PADI1: variants seen among roughly 807,000 people sequenced by gnomAD.
PADI1 encodes peptidyl arginine deiminase 1, also known as protein-arginine deiminase type-1.
In PADI1, 65 loss-of-function variants were observed where a neutral mutation model predicts 74.8. The ratio of observed to expected loss-of-function variants is 0.87; its 90% confidence interval spans 0.71 to 1.07. The LOEUF (loss-of-function observed/expected upper bound fraction) is 1.07, where lower values mean the gene tolerates loss of function less well. PADI1 is among the 50% of genes least tolerant of loss of function. The pLI is 0.00. For synonymous variants in PADI1, 371 were observed against 336.2 expected (o/e 1.10, Z -1.13); for missense variants, 943 against 854.0 (o/e 1.10, Z -1.30).
chr1:17,205,319 G>C lies in PADI1; in HGVS notation c.92+10G>C. On this transcript the variant is annotated intron_variant, in intron 1 of 15. Transcript: ENST00000375471. ...ATGTGGACATTCACAGGTAAGAGCT[G>C]GGAGGCGCTCTCCTGGCTGCAGAGA... 1 of 1,608,572 alleles carries C rather than the reference G, an allele frequency of 6.2e-7. No homozygotes were observed. The highest frequency in any genetic ancestry group is 2.2e-5 in the East Asian group (1 of 44,836).
chr1:17,230,291 C>T (rs903952249), intron 9 of PADI1, 83 bp downstream of exon 9: 29 of 1,521,256 alleles, frequency 1.9e-5, no homozygotes, highest in African/African-American at 2.8e-5. Flanking sequence ...GACCCAGTGT[C>T]GCTAGAGAAG....
chr1:17,238,193 A>T (rs1199634565), intron 12 of PADI1, among the ~76,000 whole-genome samples: 1 of 152,090 alleles, frequency 6.6e-6, no homozygotes, highest in Admixed American at 6.6e-5. Flanking sequence ...GGATTACACC[A>T]CCATGCCCAG....
rs11588921 is a variant in PADI1, at chr1:17,216,244, C to G, written c.93-6046C>G. Among the ~76,000 whole-genome samples the G allele has an allele frequency of 5.4e-3, 828 of 152,250 alleles. 8 individuals are homozygous for G. The Middle Eastern group carries it at 0.054, about 10-fold the overall frequency. On this transcript the variant is annotated intron_variant, in intron 1 of 15. Coordinates refer to ENST00000375471, the MANE Select transcript of PADI1 (RefSeq NM_013358.3). ...CTATTTTAAAAGGTCCCTCTGGCTG[C>G]TATGTTGAAGCTGGACTGTGGGGAG...
At position 17,223,668 on chromosome 1, in the gene PADI1, C is replaced by T; in HGVS notation, c.321C>T (p.Arg107=). 2 of 1,614,122 alleles carry T rather than the reference C, an allele frequency of 1.2e-6. No homozygotes were observed. Among genetic ancestry groups the T allele is most frequent in the Non-Finnish European group, 1.7e-6 (2 of 1,180,002 alleles). ...FGEQEDQALG[R]SVLYLTGVDI... is the part of the protein sequence containing the mutation. ...AGCAGGAAGACCAAGCTCTGGGCCG[C>T]AGCGTGCTTTACCTCACTGGCGTCG... The change falls in exon 3 of 16, where the codon CGC becomes CGT. Residue 107 remains arginine (R), a synonymous_variant. Transcript: ENST00000375471.
chr1:17,228,888 G>C, intron 7 of PADI1, 60 bp from the exon 8 acceptor site: 1 of 1,583,698 alleles, frequency 6.3e-7, no homozygotes, highest in Non-Finnish European at 8.7e-7. Flanking sequence ...GGGGGCTGGG[G>C]GGGCTTGAGG....
intron 6 of PADI1, among the ~76,000 whole-genome samples, chr1:17,226,981 G>A (rs111907369): frequency 1.1e-4 from 16 of 151,558 alleles, no homozygotes; most frequent in African/African-American, 3.9e-4. Flanking sequence ...GCAGTGAGCT[G>A]AGATCACGCC....
At chr1:17,214,179 T>C (rs1345839697) in intron 1 of PADI1, among the ~76,000 whole-genome samples, 1 of 152,106 alleles carries the variant, frequency 6.6e-6, no homozygotes, top group African/African-American at 2.4e-5. Flanking sequence ...TCCAACAGTC[T>C]AGGAAGTAGC....
chr1:17,239,565 C>A (rs2072728617), intron 13 of PADI1, 139 bp from the exon 14 acceptor site: 5 of 662,238 alleles, frequency 7.6e-6, no homozygotes, highest in Non-Finnish European at 8.2e-6. Context: ...GGTTCTCAGT[C>A]TCTGGCTTTC....
intron 15 of PADI1, among the ~76,000 whole-genome samples, chr1:17,242,038 G>A (rs1316117605): frequency 2.0e-5 from 3 of 152,230 alleles, no homozygotes; most frequent in Admixed American, 6.5e-5. Context: ...TCCTCATGGG[G>A]AGATTCCAGC....
intron 12 of PADI1, 42 bp downstream of exon 12, chr1:17,237,500 T>G (rs1259530367): frequency 6.4e-7 from 1 of 1,564,444 alleles, no homozygotes; most frequent in Admixed American, 1.8e-5. Context: ...TCTGCCCTTG[T>G]CTGACCTGAT....
chr1:17,206,171 G>A (rs559919816), intron 1 of PADI1, among the ~76,000 whole-genome samples: 115 of 152,342 alleles, frequency 7.5e-4, no homozygotes, highest in Admixed American at 1.6e-3. Context: ...TAGGGGGCTC[G>A]TGGTGGGAGT....
chr1:17,239,887 T>C (rs1466395929), intron 14 of PADI1, 104 bp downstream of exon 14: 5 of 906,996 alleles, frequency 5.5e-6, no homozygotes, highest in Non-Finnish European at 8.9e-6. Flanking sequence ...GGAGCTCTCA[T>C]GGTCCTGGGG....
At chr1:17,237,484 G>C in intron 12 of PADI1, 26 bp downstream of exon 12, 1 of 1,587,256 alleles carries the variant, frequency 6.3e-7, no homozygotes, top group Non-Finnish European at 8.6e-7. Context: ...CCCTGCCTGA[G>C]CCACCTCTGC....
chr1:17,219,492 C>T (rs1056750194), intron 1 of PADI1, among the ~76,000 whole-genome samples: 5 of 151,988 alleles, frequency 3.3e-5, no homozygotes, highest in Admixed American at 6.6e-5. Context: ...GCACCTGCCC[C>T]GTGAAGGAGG....
chr1:17,218,485 C>A (rs181929206), intron 1 of PADI1, among the ~76,000 whole-genome samples: 1 of 152,138 alleles, frequency 6.6e-6, no homozygotes, highest in South Asian at 2.1e-4. Flanking sequence ...AAGCAGAGCC[C>A]GTGTCCCAGC....
intron 1 of PADI1, 65 bp from the exon 2 acceptor site, chr1:17,222,225 C>T (rs564493783): frequency 7.9e-7 from 1 of 1,259,010 alleles, no homozygotes; most frequent in South Asian, 1.2e-5. Context: ...CCCCACCCCA[C>T]TGTGGCCACT....
At position 17,223,658 on chromosome 1, in the gene PADI1, C is replaced by T; in HGVS notation, c.311C>T (p.Ala104Val). The T allele has an allele frequency of 6.2e-7, 1 of 1,614,140 alleles. No individual in the cohort carries two copies. The highest frequency in any genetic ancestry group is 8.5e-7 in the Non-Finnish European group (1 of 1,179,994). The change falls in exon 3 of 16, where the codon GCT (alanine) becomes GTT (valine). Residue 104 changes from alanine to valine, a missense_variant. Physicochemically the swap from Ala to Val is moderately conservative, Grantham distance 64. Coordinates refer to ENST00000375471, the MANE Select transcript of PADI1 (RefSeq NM_013358.3). ...VSYFGEQEDQALGRSVLYLTG... is the reference protein window; with the variant it reads ...VSYFGEQEDQVLGRSVLYLTG... ...TACTTTGGGGAGCAGGAAGACCAAG[C>T]TCTGGGCCGCAGCGTGCTTTACCTC...
At position 17,244,187 on chromosome 1, in the gene PADI1, G is replaced by A. The variant is rs747554887; in HGVS notation, c.1936G>A (p.Gly646Ser). Residue 646 changes from glycine (G) to serine (S), a missense_variant, in exon 16 of 16, where the codon GGC becomes AGC. Coordinates refer to ENST00000375471, the MANE Select transcript of PADI1 (RefSeq NM_013358.3). ...YHELQGEIHCGTNVRRKPFPF... is the reference protein window; with the variant it reads ...YHELQGEIHCSTNVRRKPFPF... ...CGAGCTGCAGGGGGAGATCCACTGT[G>A]GCACCAACGTGCGCAGGAAGCCCTT... The A allele has an allele frequency of 6.2e-6, 10 of 1,614,078 alleles. No individual in the cohort carries two copies. Among genetic ancestry groups the A allele is most frequent in the African/African-American group, 1.3e-5 (1 of 74,926 alleles).
chr1:17,218,203 G>A (rs951362399), intron 1 of PADI1, among the ~76,000 whole-genome samples: 1 of 152,204 alleles, frequency 6.6e-6, no homozygotes, highest in African/African-American at 2.4e-5. Flanking sequence ...AGGGCATCTG[G>A]AGGAATCAAT....
Sources: gnomAD v4.1 joint callset for allele counts (sites outside exome capture counted in the v4.1 genomes callset) on GRCh38, gnomAD v4.1.1 for gene constraint, MANE v1.5 for transcripts, NCBI Gene and HGNC (gene_info 2026-07-23, HGNC 2026-07-21) for gene names.